Variants in CLN8 observed in about 807,000 individuals in gnomAD.
CLN8 encodes protein CLN8.
In CLN8, 14 loss-of-function variants were observed where a neutral mutation model predicts 15.7. The ratio of observed to expected loss-of-function variants is 0.89; its 90% CI spans 0.59 to 1.39. The LOEUF (loss-of-function observed/expected upper bound fraction) is 1.39, where lower values mean the gene tolerates loss of function less well. CLN8 is among the 40% of genes most tolerant of loss of function. The pLI is 0.00. For synonymous variants in CLN8, 188 were observed against 151.0 expected, an observed-to-expected ratio of 1.25 and a Z score of -1.80; for missense variants, 415 against 364.0, an observed-to-expected ratio of 1.14 and a Z score of -1.14.
intron 2 of CLN8, 40 bp from the exon 3 acceptor site, chr8:1,780,210 G>A: frequency 6.2e-7 from 1 of 1,614,214 alleles, no homozygotes; most frequent in East Asian, 2.2e-5. Context: ...AATTTTGGCA[G>A]TTTCGCATTG....
chr8:1,775,956 C>T (rs900773808), intron 2 of CLN8, among the ~76,000 whole-genome samples: 15 of 152,168 alleles, frequency 9.9e-5, no homozygotes, highest in South Asian at 4.1e-4. Context: ...GCATGTGGTG[C>T]GGCACACACG....
rs1362673401 is a variant in CLN8 at position 1,780,232 on chromosome 8, TG to T, written c.544-17del. On this transcript the variant is annotated splice_polypyrimidine_tract_variant and intron_variant, in intron 2 of 2. Transcript: ENST00000331222. ...GCAGTTTCGCATTGACTTGTGCATT[TG>T]TCTTCTCTCCATGCAGGCGGGCTGG... 2 of 1,614,274 alleles carry T rather than the reference TG, an allele frequency of 1.2e-6. No individual in the cohort carries two copies. Among genetic ancestry groups the T allele is most frequent in the Non-Finnish European group, 1.7e-6 (2 of 1,180,052 alleles).
chr8:1,762,427 A>T (rs1419219069), upstream of CLN8: 1 of 152,056 alleles, frequency 6.6e-6, no homozygotes, highest in Non-Finnish European at 1.5e-5. Context: ...TTTTAAAACG[A>T]TGTCACCCTG....
At chr8:1,779,655 T>G (rs1048440445) in intron 2 of CLN8, among the ~76,000 whole-genome samples, 1 of 152,206 alleles carries the variant, frequency 6.6e-6, no homozygotes, top group African/African-American at 2.4e-5. Flanking sequence ...TTCTCACAGT[T>G]TTGGAGGCTG....
chr8:1,765,565 A>T (rs936486981), intron 1 of CLN8, among the ~76,000 whole-genome samples: 3 of 152,220 alleles, frequency 2.0e-5, no homozygotes, highest in African/African-American at 7.2e-5. Flanking sequence ...ATTCTCATGT[A>T]AATAGCTCTT....
intron 2 of CLN8, among the ~76,000 whole-genome samples, chr8:1,777,738 C>T (rs1018738394): frequency 6.6e-6 from 1 of 152,210 alleles, no homozygotes; most frequent in African/African-American, 2.4e-5. Flanking sequence ...GGAGAGACTT[C>T]AGGGGCAGTA....
At chr8:1,765,118 C>T (rs1247838849) in intron 1 of CLN8, 1 of 152,136 alleles carries the variant, frequency 6.6e-6, no homozygotes, top group African/African-American at 2.4e-5. Context: ...CCTGAGCATC[C>T]AGTTTCCATA....
At chr8:1,755,207 G>C (rs1447063102), upstream of CLN8, among the ~76,000 whole-genome samples, 2 of 152,204 alleles carry the variant, frequency 1.3e-5, no homozygotes, top group East Asian at 3.9e-4. Context: ...AATGACACGG[G>C]TCTTGATAGA....
Position 1,780,375 on chromosome 8 carries a change from C to T in CLN8, c.669C>T (p.Val223=). The change falls in exon 3 of 3, where the codon GTC becomes GTT. Residue 223 remains valine (V), a synonymous_variant. Transcript: ENST00000331222. The part of the protein sequence containing the change: ...WVCFWHWDGL[V]SSLYLPHLTL... ...GTTTCTGGCACTGGGACGGCCTGGT[C>T]AGCAGCCTGTATCTGCCTCATTTGA... 4 of 1,614,212 alleles carry T rather than the reference C, an allele frequency of 2.5e-6. No individual in the cohort carries two copies. Among genetic ancestry groups the T allele is most frequent in the Non-Finnish European group, 1.7e-6 (2 of 1,180,030 alleles).
chr8:1,780,577 C>T lies in CLN8; in HGVS notation c.*10C>T. The T allele has an allele frequency of 6.2e-7, 1 of 1,610,694 alleles. No individual in the cohort carries two copies. Among genetic ancestry groups the T allele is most frequent in the Non-Finnish European group, 8.5e-7 (1 of 1,177,520 alleles). Reference sequence around the variant, plus strand: ...GAAGAAGAGGCCATAGCTGCTCCAGCCGGGGCTCCGGGGCGGCAGCAGAGC... The same window carrying T: ...GAAGAAGAGGCCATAGCTGCTCCAGTCGGGGCTCCGGGGCGGCAGCAGAGC... On this transcript the variant is annotated 3_prime_UTR_variant, in exon 3 of 3. Coordinates refer to ENST00000331222, the MANE Select transcript of CLN8 (RefSeq NM_018941.4).
At chr8:1,772,626 TTGTGTG>T (rs568342994) in intron 2 of CLN8, among the ~76,000 whole-genome samples, 3 of 147,428 alleles carry the variant, frequency 2.0e-5, no homozygotes, top group East Asian at 4.0e-4. Flanking sequence ...CCTAGCTAAT[TTGTGTG>T]TGTGTGTGTG....
chr8:1,780,931 G>T lies in CLN8; in HGVS notation c.*364G>T, dbSNP rs1331373053. The stretch of plus-strand genomic sequence containing the variant: ...TGCCTCCCACAGGGCGGGTGGGTCA[G>T]CGTTGACTCTTTCCAGCTGCACACT... On this transcript the variant is annotated 3_prime_UTR_variant, in exon 3 of 3. Coordinates refer to ENST00000331222, the MANE Select transcript of CLN8 (RefSeq NM_018941.4). 3.0e-6 allele frequency: 1 copy of T among 337,442 alleles called. No individual in the cohort carries two copies. The highest frequency in any genetic ancestry group is 5.5e-6 in the Non-Finnish European group (1 of 182,274). The allele number at this position is 337,442 out of a possible 1,614,324, so 20.9% of individuals were successfully genotyped here.
intron 2 of CLN8, chr8:1,779,994 C>T: frequency 1.0e-6 from 1 of 985,416 alleles, no homozygotes; most frequent in Non-Finnish European, 1.2e-6. Context: ...GGAGCAGAAG[C>T]CAAAGAGCAA....
chr8:1,774,503 A>T (rs138959158), intron 2 of CLN8, among the ~76,000 whole-genome samples: 67 of 152,336 alleles, frequency 4.4e-4, no homozygotes, highest in African/African-American at 1.5e-3. Flanking sequence ...GTAGTAGGGC[A>T]TGAGGATTCA....
At chr8:1,761,743 C>A (rs796600435), upstream of CLN8, among the ~76,000 whole-genome samples, 1 of 152,182 alleles carries the variant, frequency 6.6e-6, no homozygotes, top group Non-Finnish European at 1.5e-5. Flanking sequence ...TGGCCTGAGC[C>A]GGTTGCTGAG....
At chr8:1,770,488 A>G (rs528763219) in intron 1 of CLN8, among the ~76,000 whole-genome samples, 1 of 152,330 alleles carries the variant, frequency 6.6e-6, no homozygotes, top group African/African-American at 2.4e-5. Context: ...TAACATGAAG[A>G]ACAGGAGCAC....
intron 2 of CLN8, among the ~76,000 whole-genome samples, chr8:1,778,170 T>C (rs900048984): frequency 6.6e-6 from 1 of 152,180 alleles, no homozygotes; most frequent in Non-Finnish European, 1.5e-5. Flanking sequence ...GTGACTATAC[T>C]GTTTACCACC....
chr8:1,782,004 A>G lies in CLN8; in HGVS notation c.*1437A>G, dbSNP rs2129015764. ...GTGAGTGTTTTGATATAAACGTGCA[A>G]TTAAAATTCAAAGTTTATTTTTTAT... On this transcript the variant is annotated 3_prime_UTR_variant, in exon 3 of 3. Transcript: ENST00000331222. 1 of 152,052 alleles carries G rather than the reference A, an allele frequency of 6.6e-6. No homozygotes were observed. Among genetic ancestry groups the G allele is most frequent in the East Asian group, 1.9e-4 (1 of 5,180 alleles). 9.4% of individuals were successfully genotyped at this position (152,052 alleles called of 1,614,324 possible).
At chr8:1,762,374 ATTACAGGCTT>A (rs1800820338), upstream of CLN8, 1 of 151,990 alleles carries the variant, frequency 6.6e-6, no homozygotes, top group African/African-American at 2.4e-5. Context: ...AACTGCTGGG[ATTACAGGCTT>A]GAGCCACCGC....
Sources: allele counts gnomAD v4.1 joint callset (sites outside exome capture counted in the v4.1 genomes callset), GRCh38; gene constraint gnomAD v4.1.1; transcripts MANE v1.5; gene names NCBI Gene and HGNC (gene_info 2026-07-23, HGNC 2026-07-21).